CFAP77: variants seen among roughly 807,000 people sequenced by gnomAD.
CFAP77 encodes cilia- and flagella-associated protein 77.
CFAP77 carries 25 observed loss-of-function variants against 31.1 expected under a neutral mutation model. The observed-to-expected ratio is 0.80, with a 90% CI of 0.59 to 1.12. The LOEUF is 1.12. Ranked by LOEUF, CFAP77 falls within the 50% of genes most tolerant of loss-of-function variation. CFAP77 has a pLI of 0.00. For synonymous variants in CFAP77, 151 were observed against 159.9 expected, an observed-to-expected ratio of 0.94 and a Z score of 0.42; for missense variants, 377 against 397.3, an observed-to-expected ratio of 0.95 and a Z score of 0.44.
Position 132,499,293 on chromosome 9 carries a change from C to T in CFAP77, c.296-79C>T. The T allele has an allele frequency of 7.6e-7, 1 of 1,308,040 alleles. No homozygotes were observed. Among genetic ancestry groups the T allele is most frequent in the Middle Eastern group, 1.9e-4 (1 of 5,384 alleles). The allele number at this position is 1,308,040 out of a possible 1,614,324, so 81.0% of individuals were successfully genotyped here. On this transcript the variant is annotated intron_variant, in intron 2 of 5. Coordinates refer to ENST00000393216, the MANE Select transcript of CFAP77 (RefSeq NM_001282957.2). This position sits in a 1 kb window ranked among gnomAD's most constrained non-coding sequence, Gnocchi z 5.4. Reference sequence around the variant, plus strand: ...GGGAAGGCCGAGGACCCGCGTGCCCCCATTTCTTCTCGATCAGCTGCCTCA... The same window carrying T: ...GGGAAGGCCGAGGACCCGCGTGCCCTCATTTCTTCTCGATCAGCTGCCTCA...
intron 1 of CFAP77, among the ~76,000 whole-genome samples, chr9:132,450,912 A>G (rs1472546994): frequency 6.6e-6 from 1 of 152,202 alleles, no homozygotes; most frequent in Non-Finnish European, 1.5e-5. Context: ...AGAGCTACTT[A>G]GGAGACAGCC....
intron 3 of CFAP77, 67 bp from the exon 4 acceptor site, chr9:132,537,534 G>A (rs1465733904): frequency 1.7e-6 from 2 of 1,183,006 alleles, no homozygotes; most frequent in East Asian, 2.4e-5. Context: ...CCGGGGGCGG[G>A]CGGTGGGGAG....
intron 1 of CFAP77, among the ~76,000 whole-genome samples, chr9:132,420,015 G>A (rs1332664039): frequency 6.6e-6 from 1 of 151,976 alleles, no homozygotes; most frequent in African/African-American, 2.4e-5. Flanking sequence ...TAAAAAATTA[G>A]GCGGGTGTGG....
intron 3 of CFAP77, among the ~76,000 whole-genome samples, chr9:132,518,212 TG>T (rs1220652419): frequency 6.6e-6 from 1 of 151,970 alleles, no homozygotes; most frequent in Non-Finnish European, 1.5e-5. Flanking sequence ...GACCCCTGGA[TG>T]GGGCCCAGCG....
At chr9:132,491,610 C>G (rs1851654890) in intron 1 of CFAP77, among the ~76,000 whole-genome samples, 1 of 152,332 alleles carries the variant, frequency 6.6e-6, no homozygotes, top group Middle Eastern at 3.4e-3. Flanking sequence ...GCAATTTTGG[C>G]TTTGCAAACA....
rs548178248 is a variant in CFAP77, at chr9:132,501,520, A to G, written c.524+1920A>G. On this transcript the variant is annotated intron_variant, in intron 3 of 5. Transcript: ENST00000393216. This position sits in a 1 kb window ranked among gnomAD's most constrained non-coding sequence, Gnocchi z 4.6. Reference sequence around the variant, plus strand: ...CAGGTTCCAGTGATTCTCCTGCCTCAGCCTCCCGAGTAGCTGGGACTACAG... The same window carrying G: ...CAGGTTCCAGTGATTCTCCTGCCTCGGCCTCCCGAGTAGCTGGGACTACAG... Among the ~76,000 whole-genome samples the G allele has an allele frequency of 6.6e-6, 1 of 151,526 alleles. No individual in the cohort carries two copies. Among genetic ancestry groups the G allele is most frequent in the East Asian group, 2.0e-4 (1 of 5,126 alleles).
In CFAP77 at chr9:132,497,934, A is replaced by T. The variant is rs1374313893; in HGVS notation, c.196-761A>T. Among the ~76,000 whole-genome samples, 2 of 152,152 alleles carry T rather than the reference A, an allele frequency of 1.3e-5. No homozygotes were observed. Among genetic ancestry groups the T allele is most frequent in the Non-Finnish European group, 2.9e-5 (2 of 68,016 alleles). On this transcript the variant is annotated intron_variant, in intron 1 of 5. Coordinates refer to ENST00000393216, the MANE Select transcript of CFAP77 (RefSeq NM_001282957.2). The surrounding 1 kb of genome is among the most constrained non-coding windows in gnomAD (Gnocchi z 4.9). The stretch of plus-strand genomic sequence containing the variant: ...ATGATCAAGAGCGCCAGTCAAGAGG[A>T]CAGGCACGCCTCCATGCGATGCCCT...
intron 5 of CFAP77, among the ~76,000 whole-genome samples, chr9:132,553,273 C>T: frequency 6.6e-6 from 1 of 152,212 alleles, no homozygotes; most frequent in South Asian, 2.1e-4. Context: ...AGCCTTATCT[C>T]CAATGCCATC....
chr9:132,440,336 C>G (rs1850594879), intron 1 of CFAP77, among the ~76,000 whole-genome samples: 1 of 151,532 alleles, frequency 6.6e-6, no homozygotes, highest in Non-Finnish European at 1.5e-5. Context: ...GACCCTGTCT[C>G]AAAATAATAA....
intron 5 of CFAP77, among the ~76,000 whole-genome samples, chr9:132,559,934 C>T (rs1852966978): frequency 6.6e-6 from 1 of 152,152 alleles, no homozygotes. Flanking sequence ...CACAAAAGAC[C>T]TCACATTGTA....
chr9:132,531,169 C>A (rs186241530), intron 3 of CFAP77, among the ~76,000 whole-genome samples: 47 of 152,336 alleles, frequency 3.1e-4, no homozygotes, highest in Admixed American at 2.5e-3. Context: ...TTCTGCCTAG[C>A]CTTTCTCTCT....
intron 3 of CFAP77, among the ~76,000 whole-genome samples, chr9:132,505,884 G>C (rs1851923493): frequency 6.6e-6 from 1 of 152,080 alleles, no homozygotes; most frequent in Non-Finnish European, 1.5e-5. Flanking sequence ...CTCAGCTAAC[G>C]GCAGCCTCTT....
At chr9:132,482,376 AT>A in intron 1 of CFAP77, 18 of 1,613,838 alleles carry the variant, frequency 1.1e-5, no homozygotes, top group Non-Finnish European at 1.4e-5. Flanking sequence ...GCAGAAAGTT[AT>A]TCCTTCCCTT....
At position 132,425,419 on chromosome 9, in the gene CFAP77, T is replaced by A. The variant is rs1313702185; in HGVS notation, c.195+14953T>A. Among the ~76,000 whole-genome samples the A allele has an allele frequency of 2.6e-5, 4 of 151,582 alleles. No individual in the cohort carries two copies. The East Asian group carries it at 7.7e-4, about 29-fold the overall frequency. On this transcript the variant is annotated intron_variant, in intron 1 of 5. Transcript: ENST00000393216. ...AGTCCCCTCTCTCAATGCTCCCCCC[T>A]CCTTATCCCCATGCTGAAAATGAGA...
intron 1 of CFAP77, among the ~76,000 whole-genome samples, chr9:132,485,985 C>CATATATATATATATATATATAT (rs61265124): frequency 1.9e-5 from 1 of 53,576 alleles, no homozygotes; most frequent in Non-Finnish European, 3.4e-5. Flanking sequence ...ACACACACCT[C>CATATATATATATATATATATAT]ATATATATAT....
intron 1 of CFAP77, among the ~76,000 whole-genome samples, chr9:132,427,881 C>G (rs375654973): frequency 6.6e-6 from 1 of 152,194 alleles, no homozygotes; most frequent in African/African-American, 2.4e-5. Flanking sequence ...CAAATGAAAC[C>G]ACATTCTCAG....
chr9:132,482,189 T>C, intron 1 of CFAP77: 2 of 600,702 alleles, frequency 3.3e-6, no homozygotes, highest in Admixed American at 3.2e-5. Flanking sequence ...CTTTCTTTCT[T>C]TTTTTTTTTC....
intron 5 of CFAP77, among the ~76,000 whole-genome samples, chr9:132,558,654 G>A (rs1239372858): frequency 6.6e-6 from 1 of 151,848 alleles, no homozygotes; most frequent in Admixed American, 6.6e-5. Context: ...GCAGTGAGCC[G>A]AGATTGCACC....
At chr9:132,410,975 TA>T (rs1849984758) in intron 1 of CFAP77, among the ~76,000 whole-genome samples, 1 of 152,246 alleles carries the variant, frequency 6.6e-6, no homozygotes, top group African/African-American at 2.4e-5. Flanking sequence ...TCGATCATAC[TA>T]ATTTCTTACC....
Sources: allele counts gnomAD v4.1 joint callset (sites outside exome capture counted in the v4.1 genomes callset), GRCh38; gene constraint gnomAD v4.1.1; non-coding constraint Gnocchi (gnomAD v3.1); transcripts MANE v1.5; gene names NCBI Gene and HGNC (gene_info 2026-07-23, HGNC 2026-07-21).